Variants in CNTN5 observed in about 807,000 individuals in gnomAD.
CNTN5 encodes contactin-5.
A neutral mutation model predicts 129.1 loss-of-function variants in CNTN5; 77 were observed. That is an observed-to-expected ratio of 0.60 (90% confidence interval 0.50 to 0.72). CNTN5 has a LOEUF of 0.72. Among genes scored for constraint, CNTN5 ranks in the 30% least tolerant of loss-of-function variants. CNTN5 has a pLI of 0.00. For synonymous variants in CNTN5, 509 were observed against 465.6 expected (o/e 1.09, Z -1.20); for missense variants, 1,478 against 1,328.8 (o/e 1.11, Z -1.75).
At chr11:99,679,974 C>T (rs150566785) in intron 3 of CNTN5, among the ~76,000 whole-genome samples, 50 of 152,278 alleles carry the variant, frequency 3.3e-4, no homozygotes, top group African/African-American at 1.0e-3. Context: ...AAACCAGCTA[C>T]GACATTCCCT....
At chr11:99,402,488 G>T (rs1386996543) in intron 2 of CNTN5, among the ~76,000 whole-genome samples, 1 of 151,998 alleles carries the variant, frequency 6.6e-6, no homozygotes, top group South Asian at 2.1e-4. Context: ...TTTGTTAAGG[G>T]TTTTTGCATC....
intron 1 of CNTN5, among the ~76,000 whole-genome samples, chr11:99,189,634 AC>A: frequency 1.3e-5 from 2 of 151,822 alleles, no homozygotes; most frequent in South Asian, 4.1e-4. Context: ...ATGATTAGTT[AC>A]ATTTCTATGA....
chr11:99,239,445 C>G (rs536196726), intron 1 of CNTN5, among the ~76,000 whole-genome samples: 3 of 152,314 alleles, frequency 2.0e-5, no homozygotes, highest in African/African-American at 7.2e-5. Flanking sequence ...TAATGTCTCC[C>G]ACATATTAGG....
At chr11:100,046,399 T>A (rs567063681) in intron 9 of CNTN5, among the ~76,000 whole-genome samples, 7 of 152,330 alleles carry the variant, frequency 4.6e-5, no homozygotes, top group African/African-American at 1.7e-4. Flanking sequence ...CTGAAATATG[T>A]GTTCATAATC....
intron 3 of CNTN5, among the ~76,000 whole-genome samples, chr11:99,623,151 T>A (rs1230595924): frequency 1.3e-5 from 2 of 152,122 alleles, no homozygotes; most frequent in Admixed American, 6.6e-5. Context: ...TCTTCTGAGT[T>A]ACAAGTGTCC....
At chr11:99,434,635 G>A (rs1015061789) in intron 2 of CNTN5, among the ~76,000 whole-genome samples, 3 of 152,072 alleles carry the variant, frequency 2.0e-5, no homozygotes, top group South Asian at 2.1e-4. Flanking sequence ...AATCAGAGCC[G>A]TTTTAATAAT....
intron 3 of CNTN5, among the ~76,000 whole-genome samples, chr11:99,573,113 T>G (rs2135582728): frequency 6.6e-6 from 1 of 152,208 alleles, no homozygotes. Flanking sequence ...CTAGAATCAG[T>G]TTTAAAATGA....
intron 21 of CNTN5, among the ~76,000 whole-genome samples, chr11:100,314,108 C>T (rs60273368): frequency 0.019 from 2,843 of 152,162 alleles, 106 homozygotes; most frequent in African/African-American, 0.065. Flanking sequence ...GGCAAGGGAA[C>T]GTCATTTCAG....
At chr11:99,184,984 G>A (rs1312667359) in intron 1 of CNTN5, among the ~76,000 whole-genome samples, 1 of 151,384 alleles carries the variant, frequency 6.6e-6, no homozygotes, top group African/African-American at 2.4e-5. Context: ...AAAGAAACTT[G>A]AACTGAAGTT....
intron 13 of CNTN5, among the ~76,000 whole-genome samples, chr11:100,102,553 A>T (rs1029464311): frequency 1.3e-5 from 2 of 150,892 alleles, no homozygotes. Context: ...GAGGTCAAAA[A>T]AAAGAAGTTT....
intron 1 of CNTN5, among the ~76,000 whole-genome samples, chr11:99,070,658 A>G (rs1420193322): frequency 6.6e-6 from 1 of 152,038 alleles, no homozygotes; most frequent in Admixed American, 6.6e-5. Flanking sequence ...GTACCACACC[A>G]TGCTGGCCAT....
rs113269717 is a variant in CNTN5 at position 99,629,457 on chromosome 11, T to C, written c.55+73188T>C. ...AGGATCTATTAAGAAATGGCCCAAA[T>C]GGTCTTATTATCCTACAGTTATCTA... On this transcript the variant is annotated intron_variant, in intron 3 of 24. Transcript: ENST00000524871. Among the ~76,000 whole-genome samples the C allele has an allele frequency of 7.4e-4, 112 of 152,134 alleles. 1 individual carries two copies. Among genetic ancestry groups the C allele is most frequent in the Non-Finnish European group, 1.2e-3 (83 of 67,904 alleles).
At chr11:100,063,861 T>G (rs942619279) in intron 10 of CNTN5, among the ~76,000 whole-genome samples, 7 of 152,128 alleles carry the variant, frequency 4.6e-5, no homozygotes, top group Admixed American at 6.6e-5. Flanking sequence ...TATTCCAGCC[T>G]GGGTTAGACC....
At chr11:99,209,168 G>GA (rs139258576) in intron 1 of CNTN5, among the ~76,000 whole-genome samples, 14,418 of 152,034 alleles carry the variant, frequency 0.095, 1,267 homozygotes, top group East Asian at 0.41. Context: ...TAATAAGAGA[G>GA]AAAAAAATCT....
At chr11:99,351,712 A>C (rs546064661) in intron 2 of CNTN5, among the ~76,000 whole-genome samples, 1 of 152,194 alleles carries the variant, frequency 6.6e-6, no homozygotes, top group African/African-American at 2.4e-5. Context: ...CCAGTGAACT[A>C]CTATATAAAT....
At chr11:99,022,352 A>G (rs962307405) in intron 1 of CNTN5, among the ~76,000 whole-genome samples, 4 of 152,172 alleles carry the variant, frequency 2.6e-5, no homozygotes, top group African/African-American at 9.6e-5. Flanking sequence ...AGAAGTACTT[A>G]TGACCATTAC....
chr11:99,965,318 A>G (rs1161922913), intron 8 of CNTN5, among the ~76,000 whole-genome samples: 1 of 151,516 alleles, frequency 6.6e-6, no homozygotes, highest in Non-Finnish European at 1.5e-5. Flanking sequence ...ATTTCCCTAT[A>G]CACACTGCTT....
chr11:100,233,377 G>A (rs777198749), intron 16 of CNTN5, among the ~76,000 whole-genome samples: 9 of 152,142 alleles, frequency 5.9e-5, no homozygotes, highest in Non-Finnish European at 1.2e-4. Flanking sequence ...CTATCAAGAT[G>A]ATATACTCAC....
At chr11:99,119,383 A>G (rs1303411708) in intron 1 of CNTN5, among the ~76,000 whole-genome samples, 1 of 152,158 alleles carries the variant, frequency 6.6e-6, no homozygotes, top group Non-Finnish European at 1.5e-5. Context: ...AAATGAGAAC[A>G]TACGGTTTTT....
Sources: gnomAD v4.1 joint callset for allele counts (sites outside exome capture counted in the v4.1 genomes callset) on GRCh38, gnomAD v4.1.1 for gene constraint, MANE v1.5 for transcripts, NCBI Gene and HGNC (gene_info 2026-07-23, HGNC 2026-07-21) for gene names.